ITGB1BP1: variants seen among roughly 807,000 people sequenced by gnomAD.
ITGB1BP1 encodes the protein integrin subunit beta 1 binding protein 1.
Under a neutral mutation model 28.0 loss-of-function variants are expected in ITGB1BP1, and 20 were observed. The ratio of observed to expected loss-of-function variants is 0.71; its 90% confidence interval spans 0.50 to 1.04. The LOEUF is 1.04. Among genes scored for constraint, ITGB1BP1 ranks in the 50% least tolerant of loss-of-function variants. The pLI is 0.00. For missense variants in ITGB1BP1, 228 were observed against 242.5 expected (o/e 0.94, Z 0.40); for synonymous variants, 103 against 89.5 (o/e 1.15, Z -0.85).
chr2:9,413,158 AG>A (rs1678673778), intron 3 of ITGB1BP1, among the ~76,000 whole-genome samples: 1 of 152,200 alleles, frequency 6.6e-6, no homozygotes, highest in Non-Finnish European at 1.5e-5. Flanking sequence ...ATAATTTTAA[AG>A]GCATCTGGCA....
chr2:9,407,414 T>C (rs529557159), intron 6 of ITGB1BP1, 35 bp downstream of exon 6: 3 of 1,613,188 alleles, frequency 1.9e-6, no homozygotes, highest in African/African-American at 1.3e-5. Flanking sequence ...TGCGACTTGA[T>C]GGGCAAGCAG....
Position 9,407,490 on chromosome 2 carries a change from T to C in ITGB1BP1, c.490A>G (p.Asn164Asp). The change falls in exon 6 of 7, where the codon AAT (asparagine) becomes GAT (aspartate). Residue 164 changes from asparagine to aspartate, a missense_variant. By Grantham distance (23) the Asn-to-Asp change is conservative. This residue lies in a region of ITGB1BP1 where 192 missense variants were observed against 181.6 expected (regional missense o/e 1.06). Transcript: ENST00000355346. The part of the protein sequence containing the change: ...LLALKTTDAS[N>D]EEYSLWVYQC... ...TAAACCCACAGGCTGTATTCCTCAT[T>C]GCTTGCATCTGTGGTCTTCAGAGCC... 6.2e-7 allele frequency: 1 copy of C among 1,614,226 alleles called. No individual in the cohort carries two copies. Among genetic ancestry groups the C allele is most frequent in the Non-Finnish European group, 8.5e-7 (1 of 1,180,040 alleles).
chr2:9,420,013 T>C, intron 1 of ITGB1BP1: 1 of 962,708 alleles, frequency 1.0e-6, no homozygotes, highest in South Asian at 4.8e-5. Context: ...ACTATTTGAC[T>C]GTCTTCAAAG....
chr2:9,407,149 G>T (rs1023123703), intron 6 of ITGB1BP1: 10 of 600,896 alleles, frequency 1.7e-5, no homozygotes, highest in Non-Finnish European at 2.9e-5. Flanking sequence ...CAGTCTAGGA[G>T]GGCAACAACG....
intron 1 of ITGB1BP1, 62 bp from the exon 2 acceptor site, chr2:9,418,794 T>TTTA: frequency 9.1e-7 from 1 of 1,103,066 alleles, no homozygotes; most frequent in Non-Finnish European, 1.3e-6. Context: ...TTTTTTTTTT[T>TTTA]AAGAGACAGA....
chr2:9,407,022 A>G, intron 6 of ITGB1BP1, 117 bp from the exon 7 acceptor site: 2 of 760,502 alleles, frequency 2.6e-6, no homozygotes, highest in Non-Finnish European at 4.7e-6. Flanking sequence ...CAAGCCGACC[A>G]CACATGCCTG....
chr2:9,418,522 T>C lies in ITGB1BP1; in HGVS notation c.72+104A>G, dbSNP rs4292071. The C allele has an allele frequency of 0.024, 19,754 of 812,664 alleles. 2,331 individuals carry two copies. In the African/African-American group the frequency reaches 0.28, roughly 11 times the overall value. The allele number at this position is 812,664 out of a possible 1,614,324, so 50.3% of individuals were successfully genotyped here. A position where few individuals can be genotyped will look rare whatever the true frequency, so the allele number is the denominator to read the frequency against. Reference sequence around the variant, plus strand: ...ATGTTAAAACACACTAGTTTGAAGATTATCAGGAGATCTGCCCACGGTCAG... The same window carrying C: ...ATGTTAAAACACACTAGTTTGAAGACTATCAGGAGATCTGCCCACGGTCAG... On this transcript the variant is annotated intron_variant, in intron 2 of 6. Coordinates refer to ENST00000355346, the MANE Select transcript of ITGB1BP1 (RefSeq NM_004763.5).
In ITGB1BP1 at chr2:9,414,195, T is replaced by A; in HGVS notation, c.134A>T (p.Asp45Val). The A allele has an allele frequency of 6.2e-7, 1 of 1,613,938 alleles. No homozygotes were observed. Among genetic ancestry groups the A allele is most frequent in the Admixed American group, 1.7e-5 (1 of 60,018 alleles). The change falls in exon 3 of 7, where the codon GAT becomes GTT. Residue 45 changes from aspartate (D) to valine (V), a missense_variant. This residue lies in a region of ITGB1BP1 where 36 missense variants were observed against 61.0 expected (regional missense o/e 0.59). Coordinates refer to ENST00000355346, the MANE Select transcript of ITGB1BP1 (RefSeq NM_004763.5). ...TTATGTACCTGAGCTTTTGGTGGAA[T>A]CTGTGTCGAGGCTGGCCACAGTGCT... ...RSSTVASLDT[D>V]STKSSGQSNN...
At chr2:9,418,527 A>G in intron 2 of ITGB1BP1, 99 bp downstream of exon 2, 4 of 833,170 alleles carry the variant, frequency 4.8e-6, no homozygotes, top group Non-Finnish European at 8.4e-6. Flanking sequence ...GAAGATTATC[A>G]GGAGATCTGC....
At chr2:9,412,182 C>T in intron 4 of ITGB1BP1, 87 bp downstream of exon 4, 1 of 1,175,074 alleles carries the variant, frequency 8.5e-7, no homozygotes, top group Non-Finnish European at 1.2e-6. Context: ...ACCCAGTGGA[C>T]CCGAGGAGTG....
chr2:9,413,486 G>A (rs533329372), intron 3 of ITGB1BP1, among the ~76,000 whole-genome samples: 2 of 152,040 alleles, frequency 1.3e-5, no homozygotes, highest in Admixed American at 6.6e-5. Flanking sequence ...GCGCCACCAC[G>A]CCCGGCTAAT....
intron 4 of ITGB1BP1, among the ~76,000 whole-genome samples, chr2:9,410,534 G>A (rs1339624453): frequency 6.6e-6 from 1 of 152,158 alleles, no homozygotes; most frequent in African/African-American, 2.4e-5. Context: ...TGCCTCCTGA[G>A]TTCAAGCAAG....
At chr2:9,416,452 G>A (rs1679154018) in intron 2 of ITGB1BP1, among the ~76,000 whole-genome samples, 1 of 152,086 alleles carries the variant, frequency 6.6e-6, no homozygotes, top group African/African-American at 2.4e-5. Flanking sequence ...AAAGGAAAAT[G>A]ACTCAGGCTC....
At position 9,405,026 on chromosome 2, in the gene ITGB1BP1, C is replaced by G. The variant is rs1048574319; in HGVS notation, c.*1808G>C. On this transcript the variant is annotated 3_prime_UTR_variant, in exon 7 of 7. Coordinates refer to ENST00000355346, the MANE Select transcript of ITGB1BP1 (RefSeq NM_004763.5). ...GTCTATTTTAACAATCCTCCTGCATCTGTATTTTATAGTCAGCCTTTTGAC... is the reference window on the plus strand; with the variant it reads ...GTCTATTTTAACAATCCTCCTGCATGTGTATTTTATAGTCAGCCTTTTGAC... 5.9e-5 allele frequency: 9 copies of G among 152,398 alleles called. No individual in the cohort carries two copies. Among genetic ancestry groups the G allele is most frequent in the African/African-American group, 2.2e-4 (9 of 41,388 alleles). 9.4% of individuals were successfully genotyped at this position (152,398 alleles called of 1,614,324 possible).
chr2:9,420,206 TA>T (rs1427342822), intron 1 of ITGB1BP1: 1 of 193,534 alleles, frequency 5.2e-6, no homozygotes, highest in African/African-American at 2.4e-5. Flanking sequence ...GTCCACTTAC[TA>T]GGGGACGACA....
At chr2:9,423,034 A>G (rs1410645650) in intron 1 of ITGB1BP1, 12 of 995,310 alleles carry the variant, frequency 1.2e-5, no homozygotes, top group Non-Finnish European at 1.4e-5. Flanking sequence ...AAGGGGACAG[A>G]CAACCCCGAC....
chr2:9,418,774 A>C (rs922506660), intron 1 of ITGB1BP1, 42 bp from the exon 2 acceptor site: 349 of 1,366,272 alleles, frequency 2.6e-4, no homozygotes, highest in Non-Finnish European at 3.4e-4. Flanking sequence ...CGGGAAAAGC[A>C]ACTTTTTTTT....
chr2:9,407,386 A>G, intron 6 of ITGB1BP1, 63 bp downstream of exon 6: 1 of 1,569,074 alleles, frequency 6.4e-7, no homozygotes, highest in Non-Finnish European at 8.8e-7. Context: ...GCCTTCAAAA[A>G]CAGTAGTCCC....
rs144274985 is a variant in ITGB1BP1 at position 9,420,718 on chromosome 2, G to A, written c.-35-1986C>T. Among the ~76,000 whole-genome samples, 1,317 of 152,294 alleles carry A rather than the reference G, an allele frequency of 8.6e-3. 14 individuals carry two copies. The highest frequency in any genetic ancestry group is 0.027 in the African/African-American group (1,135 of 41,582). On this transcript the variant is annotated intron_variant, in intron 1 of 6. Transcript: ENST00000355346. Reference sequence around the variant, plus strand: ...TGCCACAGAAGGCCAGGCAGGCCGCGGTAACAGTGGACTTTAGTTTAAGAG... The same window carrying A: ...TGCCACAGAAGGCCAGGCAGGCCGCAGTAACAGTGGACTTTAGTTTAAGAG...
Sources: allele counts gnomAD v4.1 joint callset (sites outside exome capture counted in the v4.1 genomes callset), GRCh38; gene constraint gnomAD v4.1.1; regional missense constraint gnomAD v4.1.1; transcripts MANE v1.5; gene names NCBI Gene and HGNC (gene_info 2026-07-23, HGNC 2026-07-21).